Variants in PPP1R13B observed in about 807,000 individuals in gnomAD.
PPP1R13B encodes the protein apoptosis-stimulating of p53 protein 1.
PPP1R13B carries 44 observed loss-of-function variants against 119.8 expected under a neutral mutation model. The ratio of observed to expected loss-of-function variants is 0.37; its 90% CI spans 0.29 to 0.47. PPP1R13B has a LOEUF of 0.47. PPP1R13B is among the 20% of genes least tolerant of loss of function. The pLI, the probability that PPP1R13B is intolerant of heterozygous loss-of-function variation, is 0.99. For synonymous variants in PPP1R13B, 542 were observed against 561.5 expected, an observed-to-expected ratio of 0.97 and a Z score of 0.49; for missense variants, 1,227 against 1,413.5, an observed-to-expected ratio of 0.87 and a Z score of 2.12.
At chr14:103,753,903 T>C (rs1262126564) in intron 6 of PPP1R13B, among the ~76,000 whole-genome samples, 167 bp downstream of exon 6, 1 of 152,132 alleles carries the variant, frequency 6.6e-6, no homozygotes, top group African/African-American at 2.4e-5. Flanking sequence ...TTAAGATCAC[T>C]TAACCTAACC....
At chr14:103,772,171 T>G (rs1439487647) in intron 4 of PPP1R13B, among the ~76,000 whole-genome samples, 1 of 151,358 alleles carries the variant, frequency 6.6e-6, no homozygotes, top group Non-Finnish European at 1.5e-5. Context: ...GTATTAGTAG[T>G]TCATTTCTTC....
chr14:103,765,149 A>G (rs1451661097), intron 4 of PPP1R13B, among the ~76,000 whole-genome samples: 18 of 152,228 alleles, frequency 1.2e-4, no homozygotes. Flanking sequence ...GTGTCAGGTC[A>G]TACCAGTATC....
chr14:103,796,565 T>C (rs1403401611), intron 2 of PPP1R13B, among the ~76,000 whole-genome samples: 2 of 152,182 alleles, frequency 1.3e-5, no homozygotes, highest in African/African-American at 4.8e-5. Flanking sequence ...TAGAAAACAG[T>C]CTGGTGGTTC....
At chr14:103,750,375 G>A (rs1567093319) in intron 7 of PPP1R13B, among the ~76,000 whole-genome samples, 1 of 152,158 alleles carries the variant, frequency 6.6e-6, no homozygotes, top group Non-Finnish European at 1.5e-5. Flanking sequence ...TCATTTTAGT[G>A]GCTTGCAACC....
At position 103,739,891 on chromosome 14, in the gene PPP1R13B, G is replaced by A. The variant is rs574190486; in HGVS notation, c.2525C>T (p.Ser842Phe). ...TGGAGGGACCTGCTCTTCCCCTGGA[G>A]ATGGGGCCTCAGCCACAGGACTCGG... ...QIPSPVAEAP[S>F]PGEEQVPPAP... The change falls in exon 12 of 17, where the codon TCT becomes TTT. Residue 842 changes from serine to phenylalanine, a missense_variant. Coordinates refer to ENST00000202556, the MANE Select transcript of PPP1R13B (RefSeq NM_015316.3). 1.2e-6 allele frequency: 2 copies of A among 1,613,950 alleles called. No individual in the cohort carries two copies. The highest frequency in any genetic ancestry group is 1.1e-5 in the South Asian group (1 of 91,074).
At chr14:103,805,677 T>C (rs766369155) in intron 1 of PPP1R13B, among the ~76,000 whole-genome samples, 5 of 152,166 alleles carry the variant, frequency 3.3e-5, no homozygotes, top group Non-Finnish European at 7.4e-5. Context: ...TATCATACAA[T>C]GGAATATTAT....
chr14:103,811,915 C>G (rs2086165106), intron 1 of PPP1R13B, among the ~76,000 whole-genome samples: 1 of 150,720 alleles, frequency 6.6e-6, no homozygotes, highest in East Asian at 2.0e-4. Context: ...ACAGCATTAG[C>G]CGGGTGTGGT....
intron 1 of PPP1R13B, among the ~76,000 whole-genome samples, chr14:103,835,944 T>C (rs1454899454): frequency 6.6e-6 from 1 of 151,756 alleles, no homozygotes; most frequent in Non-Finnish European, 1.5e-5. Flanking sequence ...TCTCACTATG[T>C]TGCCCTGTCT....
chr14:103,784,677 C>G, intron 3 of PPP1R13B, 118 bp downstream of exon 3: 1 of 913,562 alleles, frequency 1.1e-6, no homozygotes, highest in Non-Finnish European at 1.5e-6. Flanking sequence ...AACTTTCCCT[C>G]TAGCCACTTG....
chr14:103,768,118 C>CTT (rs556309580), intron 4 of PPP1R13B, among the ~76,000 whole-genome samples: 1,985 of 140,950 alleles, frequency 0.014, 51 homozygotes, highest in African/African-American at 0.046. Flanking sequence ...TGAGTGTCTT[C>CTT]TTTTTTTTTT....
intron 5 of PPP1R13B, 32 bp from the exon 6 acceptor site, chr14:103,754,276 A>G: frequency 6.3e-7 from 1 of 1,593,414 alleles, no homozygotes; most frequent in South Asian, 1.1e-5. Context: ...TAACTTTGAA[A>G]ATTGAAGGCT....
chr14:103,822,650 A>G (rs2086438279), intron 1 of PPP1R13B, among the ~76,000 whole-genome samples: 1 of 151,962 alleles, frequency 6.6e-6, no homozygotes, highest in South Asian at 2.1e-4. Flanking sequence ...CATTTCTACT[A>G]AAAATACAAA....
intron 1 of PPP1R13B, among the ~76,000 whole-genome samples, chr14:103,831,846 G>C (rs1027023894): frequency 5.9e-5 from 9 of 151,894 alleles, no homozygotes; most frequent in African/African-American, 2.2e-4. Context: ...TGAGGCAGGA[G>C]AATCACTTGA....
Position 103,741,985 on chromosome 14 carries a change from T to C in PPP1R13B, c.1627A>G (p.Ser543Gly), listed in dbSNP as rs1355279221. The change falls in exon 11 of 17, where the codon AGC becomes GGC. Residue 543 changes from serine to glycine, a missense_variant. Coordinates refer to ENST00000202556, the MANE Select transcript of PPP1R13B (RefSeq NM_015316.3). ...ACTGTCAGTGGGAGTTCAGGCTTGC[T>C]GTCCCCAGCTGGAAATGCAGGTGGT... ...AGPPAFPAGD[S>G]KPELPLTVAI... 4.3e-6 allele frequency: 7 copies of C among 1,614,160 alleles called. No homozygotes were observed. The highest frequency in any genetic ancestry group is 1.6e-4 in the Middle Eastern group (1 of 6,084).
Position 103,742,894 on chromosome 14 carries a change from G to C in PPP1R13B, c.1151-71C>G. ...TGAACCAACCTAAGAATAACACTCT[G>C]CCAGAAACAAAAACAGCACTGGGAC... On this transcript the variant is annotated intron_variant, in intron 9 of 16. Transcript: ENST00000202556. This position sits in a 1 kb window ranked among gnomAD's most constrained non-coding sequence, Gnocchi z 4.9. 4 of 1,546,782 alleles carry C rather than the reference G, an allele frequency of 2.6e-6. No homozygotes were observed. Among genetic ancestry groups the C allele is most frequent in the Non-Finnish European group, 3.5e-6 (4 of 1,133,746 alleles).
intron 1 of PPP1R13B, among the ~76,000 whole-genome samples, chr14:103,843,368 T>C (rs776489006): frequency 1.3e-5 from 2 of 150,752 alleles, no homozygotes; most frequent in Non-Finnish European, 2.9e-5. Context: ...AGCGAGACTC[T>C]GTCTCAAAAA....
intron 1 of PPP1R13B, among the ~76,000 whole-genome samples, chr14:103,813,587 CTTCCGCCATGATTGTAAG>C (rs1225207324): frequency 6.6e-6 from 1 of 152,190 alleles, no homozygotes; most frequent in Non-Finnish European, 1.5e-5. Flanking sequence ...GAAGAGGTGC[CTTCCGCCATGATTGTAAG>C]TTCCTGAGGT....
intron 4 of PPP1R13B, among the ~76,000 whole-genome samples, chr14:103,760,243 T>A (rs191768814): frequency 9.2e-5 from 14 of 152,338 alleles, no homozygotes; most frequent in Admixed American, 9.2e-4. Flanking sequence ...CAAACTGGAT[T>A]TTTTAATAAT....
In PPP1R13B at chr14:103,771,776, C is replaced by T. The variant is rs140716978; in HGVS notation, c.354+6969G>A. On this transcript the variant is annotated intron_variant, in intron 4 of 16. Transcript: ENST00000202556. Reference sequence around the variant, plus strand: ...GATTACAGGTGTGAGCCACTGTGCCCGGCCTAAAACTTCTAGAAGTGAAAA... The same window carrying T: ...GATTACAGGTGTGAGCCACTGTGCCTGGCCTAAAACTTCTAGAAGTGAAAA... Among the ~76,000 whole-genome samples the T allele has an allele frequency of 8.5e-4, 130 of 152,160 alleles. 1 individual carries two copies. The highest frequency in any genetic ancestry group is 2.6e-3 in the African/African-American group (110 of 41,524).
Sources: allele counts gnomAD v4.1 joint callset (sites outside exome capture counted in the v4.1 genomes callset), GRCh38; gene constraint gnomAD v4.1.1; non-coding constraint Gnocchi (gnomAD v3.1); transcripts MANE v1.5; gene names NCBI Gene and HGNC (gene_info 2026-07-23, HGNC 2026-07-21).